The following CCDC146 variants were observed in gnomAD, a reference collection of about 807,000 sequenced individuals.
The protein encoded by CCDC146 is coiled-coil domain-containing protein 146.
In CCDC146, 92 loss-of-function variants were observed where a neutral mutation model predicts 119.3. The ratio of observed to expected loss-of-function variants is 0.77; its 90% confidence interval spans 0.65 to 0.92. The LOEUF is 0.92. Ranked by LOEUF, CCDC146 falls within the 40% of genes least tolerant of loss-of-function variation. The pLI, the probability that CCDC146 is intolerant of heterozygous loss-of-function variation, is 0.00. For synonymous variants in CCDC146, 372 were observed against 371.8 expected, an observed-to-expected ratio of 1.00 and a Z score of -0.01; for missense variants, 1,000 against 1,103.0, an observed-to-expected ratio of 0.91 and a Z score of 1.32.
At chr7:77,134,743 T>C (rs1790837997) in intron 1 of CCDC146, among the ~76,000 whole-genome samples, 1 of 152,042 alleles carries the variant, frequency 6.6e-6, no homozygotes, top group Non-Finnish European at 1.5e-5. Flanking sequence ...TGGGGGTGTG[T>C]ATGTGTGTCC....
intron 1 of CCDC146, among the ~76,000 whole-genome samples, chr7:77,136,489 A>G (rs1388952259): frequency 6.6e-6 from 1 of 152,190 alleles, no homozygotes; most frequent in African/African-American, 2.4e-5. Context: ...AAGGAATACT[A>G]TGAACAACTC....
intron 1 of CCDC146, among the ~76,000 whole-genome samples, chr7:77,156,050 G>A (rs1204600286): frequency 6.6e-6 from 1 of 152,136 alleles, no homozygotes; most frequent in Admixed American, 6.6e-5. Context: ...GAAGGAGAAG[G>A]CCTAGAGCTC....
chr7:77,279,983 G>A lies in CCDC146; in HGVS notation c.1695-446G>A, dbSNP rs1195684968. ...AAGAAAAATATGATTTCCTAATCAG[G>A]TTCTCATCCAACTTGAAAATAAAAT... On this transcript the variant is annotated intron_variant, in intron 13 of 18. Coordinates refer to ENST00000285871, the MANE Select transcript of CCDC146 (RefSeq NM_020879.3). Among the ~76,000 whole-genome samples, 3 of 152,116 alleles carry A rather than the reference G, an allele frequency of 2.0e-5. No homozygotes were observed. In the East Asian group the frequency reaches 5.8e-4, roughly 29 times the overall value.
chr7:77,221,818 A>G (rs1792409467), intron 2 of CCDC146, among the ~76,000 whole-genome samples: 1 of 152,216 alleles, frequency 6.6e-6, no homozygotes, highest in African/African-American at 2.4e-5. Flanking sequence ...AGTGTTCTAG[A>G]TGCTCAGGAT....
At chr7:77,168,828 T>C (rs1791376718) in intron 2 of CCDC146, among the ~76,000 whole-genome samples, 1 of 152,102 alleles carries the variant, frequency 6.6e-6, no homozygotes, top group South Asian at 2.1e-4. Flanking sequence ...CTTCTTGTTC[T>C]CTCAACCTCT....
At chr7:77,211,537 G>A (rs1053846629) in intron 2 of CCDC146, among the ~76,000 whole-genome samples, 1 of 152,064 alleles carries the variant, frequency 6.6e-6, no homozygotes, top group Non-Finnish European at 1.5e-5. Context: ...CATGCACCTT[G>A]AAGGGTTATT....
At chr7:77,160,444 T>A (rs1370255283) in intron 1 of CCDC146, among the ~76,000 whole-genome samples, 3 of 152,194 alleles carry the variant, frequency 2.0e-5, no homozygotes, top group Non-Finnish European at 4.4e-5. Flanking sequence ...TTTTATTTCC[T>A]TGAGCAGTGG....
chr7:77,133,652 C>CTTT (rs71524906), intron 1 of CCDC146, among the ~76,000 whole-genome samples: 11 of 137,820 alleles, frequency 8.0e-5, no homozygotes, highest in African/African-American at 2.7e-4. Flanking sequence ...CCTGGAACAC[C>CTTT]TTTTTTTTTT....
intron 8 of CCDC146, among the ~76,000 whole-genome samples, chr7:77,260,613 G>C (rs972163778): frequency 6.6e-6 from 1 of 152,122 alleles, no homozygotes; most frequent in Non-Finnish European, 1.5e-5. Flanking sequence ...TTCCCTAGGA[G>C]AGTTTTATGT....
At chr7:77,208,782 C>G (rs1372278811) in intron 2 of CCDC146, among the ~76,000 whole-genome samples, 1 of 152,184 alleles carries the variant, frequency 6.6e-6, no homozygotes, top group Non-Finnish European at 1.5e-5. Context: ...ACAGCAGCTC[C>G]CTGTTGCCTT....
At chr7:77,225,398 G>A (rs1792489535) in intron 2 of CCDC146, among the ~76,000 whole-genome samples, 1 of 151,620 alleles carries the variant, frequency 6.6e-6, no homozygotes, top group African/African-American at 2.4e-5. Flanking sequence ...AACATTTTAA[G>A]AAAACCTAGC....
At chr7:77,290,315 A>G (rs1240173346) in intron 17 of CCDC146, among the ~76,000 whole-genome samples, 1 of 152,158 alleles carries the variant, frequency 6.6e-6, no homozygotes, top group East Asian at 1.9e-4. Context: ...AACATGGCAC[A>G]TGTATACATA....
chr7:77,279,564 T>A (rs1230138171), intron 13 of CCDC146, among the ~76,000 whole-genome samples: 1 of 152,220 alleles, frequency 6.6e-6, no homozygotes, highest in Non-Finnish European at 1.5e-5. Flanking sequence ...GTAAAGCATC[T>A]CATGTGTTGT....
chr7:77,276,179 C>G (rs1255129838), intron 11 of CCDC146, among the ~76,000 whole-genome samples: 2 of 130,926 alleles, frequency 1.5e-5, no homozygotes, highest in African/African-American at 6.0e-5. Flanking sequence ...GCATTCCAGC[C>G]TGGGTGACAG....
intron 2 of CCDC146, among the ~76,000 whole-genome samples, chr7:77,210,110 T>G (rs10243254): frequency 0.027 from 4,143 of 152,336 alleles, 179 homozygotes; most frequent in African/African-American, 0.094. Context: ...AACTGGATTT[T>G]TCTTTTCTAC....
intron 1 of CCDC146, among the ~76,000 whole-genome samples, chr7:77,127,569 T>C (rs576857196): frequency 6.6e-6 from 1 of 152,274 alleles, no homozygotes; most frequent in African/African-American, 2.4e-5. Flanking sequence ...TTCTTTCATG[T>C]CTTTTTCTGG....
chr7:77,150,970 G>A (rs1331769629), intron 1 of CCDC146, among the ~76,000 whole-genome samples: 2 of 152,196 alleles, frequency 1.3e-5, no homozygotes, highest in Non-Finnish European at 2.9e-5. Flanking sequence ...AATTGTTTTA[G>A]TTTGATTTTC....
intron 2 of CCDC146, among the ~76,000 whole-genome samples, chr7:77,201,924 A>AT (rs74272944): frequency 0.14 from 20,752 of 152,150 alleles, 1,495 homozygotes; most frequent in East Asian, 0.19. Flanking sequence ...TAAAAAAAAA[A>AT]ACCATTTTGT....
intron 9 of CCDC146, among the ~76,000 whole-genome samples, chr7:77,265,313 T>G (rs1243341296): frequency 6.6e-6 from 1 of 152,246 alleles, no homozygotes; most frequent in Non-Finnish European, 1.5e-5. Flanking sequence ...AAATAACTGT[T>G]CAGTAAGATT....
Sources: allele counts gnomAD v4.1 joint callset (sites outside exome capture counted in the v4.1 genomes callset), GRCh38; gene constraint gnomAD v4.1.1; transcripts MANE v1.5; gene names NCBI Gene and HGNC (gene_info 2026-07-23, HGNC 2026-07-21).